The following PICALM variants were observed in gnomAD, a reference collection of about 807,000 sequenced individuals.
PICALM encodes the protein phosphatidylinositol binding clathrin assembly protein, also known as phosphatidylinositol-binding clathrin assembly protein.
PICALM carries 40 observed loss-of-function variants against 80.5 expected under a neutral mutation model. That is an observed-to-expected ratio of 0.50 (90% CI 0.39 to 0.65). PICALM has a LOEUF of 0.65. PICALM is among the 30% of genes least tolerant of loss of function. The pLI is 0.00. For missense variants in PICALM, 676 were observed against 778.9 expected, an observed-to-expected ratio of 0.87 and a Z score of 1.57; for synonymous variants, 288 against 260.3, an observed-to-expected ratio of 1.11 and a Z score of -1.02.
In PICALM at chr11:86,068,636, G is replaced by A. The variant is rs1345218381; in HGVS notation, c.130+15C>T. ...CGGGCGCCGGGGAGCGGGGGCCGCGGTCGGCTTCACTCACAGTCCAGGTGC... is the reference window on the plus strand; with the variant it reads ...CGGGCGCCGGGGAGCGGGGGCCGCGATCGGCTTCACTCACAGTCCAGGTGC... On this transcript the variant is annotated intron_variant, in intron 1 of 19. Coordinates refer to ENST00000393346, the MANE Select transcript of PICALM (RefSeq NM_007166.4). 1 of 1,598,064 alleles carries A rather than the reference G, an allele frequency of 6.3e-7. No individual in the cohort carries two copies. Among genetic ancestry groups the A allele is most frequent in the Non-Finnish European group, 8.5e-7 (1 of 1,174,152 alleles).
At chr11:86,018,154 G>A (rs1349318664) in intron 4 of PICALM, among the ~76,000 whole-genome samples, 1 of 152,160 alleles carries the variant, frequency 6.6e-6, no homozygotes, top group East Asian at 1.9e-4. Flanking sequence ...AAAAGCTTGT[G>A]AGTTCTTACC....
At chr11:86,055,327 CAAA>C (rs1203232255) in intron 1 of PICALM, among the ~76,000 whole-genome samples, 1 of 107,708 alleles carries the variant, frequency 9.3e-6, no homozygotes. Context: ...AACTCCGTCT[CAAA>C]AAAAAAAAAA....
rs1427116988 is a variant in PICALM, at chr11:85,981,750, A to G, written c.1674T>C (p.Thr558=). Reference sequence around the variant, plus strand: ...TGTGTATATTAAACACTCACTTCTTAGTGGTTCCATTTCCGATGCCAAGAT... The same window carrying G: ...TGTGTATATTAAACACTCACTTCTTGGTGGTTCCATTTCCGATGCCAAGAT... ...VGNLGIGNGT[T]KNDVNWSQPG... Residue 558 remains threonine (T), a synonymous_variant, in exon 16 of 20, where the codon ACT becomes ACC. Coordinates refer to ENST00000393346, the MANE Select transcript of PICALM (RefSeq NM_007166.4). 1.2e-6 allele frequency: 2 copies of G among 1,609,424 alleles called. No individual in the cohort carries two copies. The highest frequency in any genetic ancestry group is 3.3e-5 in the Admixed American group (2 of 60,024).
chr11:85,973,373 C>T (rs1261522206), intron 19 of PICALM, among the ~76,000 whole-genome samples: 1 of 152,060 alleles, frequency 6.6e-6, no homozygotes. Context: ...CAAAGTGAAC[C>T]GTGGTCTGAA....
chr11:85,971,894 C>G (rs890837094), intron 19 of PICALM, among the ~76,000 whole-genome samples: 2 of 152,052 alleles, frequency 1.3e-5, no homozygotes, highest in East Asian at 1.9e-4. Flanking sequence ...GCAATTCCCC[C>G]ACCTCAGCCT....
intron 11 of PICALM, 76 bp downstream of exon 11, chr11:86,000,567 T>C: frequency 8.2e-7 from 1 of 1,226,402 alleles, no homozygotes; most frequent in Non-Finnish European, 1.1e-6. Flanking sequence ...AAAGTAAACC[T>C]GAAAAGTTCT....
chr11:86,021,414 G>C (rs1433151369), intron 4 of PICALM, among the ~76,000 whole-genome samples: 1 of 150,786 alleles, frequency 6.6e-6, no homozygotes, highest in African/African-American at 2.4e-5. Context: ...CAAAAAAAAT[G>C]CTCAATATCA....
At chr11:86,043,521 C>G (rs1432762714) in intron 1 of PICALM, among the ~76,000 whole-genome samples, 1 of 152,238 alleles carries the variant, frequency 6.6e-6, no homozygotes, top group Non-Finnish European at 1.5e-5. Context: ...ATGGTCTCAA[C>G]TATAACCTAA....
chr11:85,960,657 CAAA>C (rs1196751297), intron 19 of PICALM: 3 of 1,095,862 alleles, frequency 2.7e-6, no homozygotes, highest in South Asian at 1.3e-5. Flanking sequence ...CCCCATCTCC[CAAA>C]ACAAGTAGCA....
In PICALM at chr11:86,011,419, A is replaced by G. The variant is rs924562336; in HGVS notation, c.659-283T>C. Among the ~76,000 whole-genome samples, 41 of 152,374 alleles carry G rather than the reference A, an allele frequency of 2.7e-4. 1 individual carries two copies. Among genetic ancestry groups the G allele is most frequent in the African/African-American group, 9.4e-4 (39 of 41,588 alleles). ...AGTACATATTTGTGTGTAAACACGT[A>G]CCACACTTGACCCCATTTAAAACAG... On this transcript the variant is annotated intron_variant, in intron 6 of 19. Transcript: ENST00000393346.
At chr11:86,010,685 G>C (rs2095378594) in intron 7 of PICALM, among the ~76,000 whole-genome samples, 2 of 152,088 alleles carry the variant, frequency 1.3e-5, no homozygotes, top group African/African-American at 4.8e-5. Flanking sequence ...ACTGATACTG[G>C]ATATTCTCTA....
At chr11:86,051,205 C>T (rs2096180550) in intron 1 of PICALM, among the ~76,000 whole-genome samples, 1 of 151,924 alleles carries the variant, frequency 6.6e-6, no homozygotes, top group South Asian at 2.1e-4. Flanking sequence ...AAGCCTACAA[C>T]AAAAAAAGCT....
chr11:86,013,277 A>G (rs2136311335), intron 5 of PICALM, among the ~76,000 whole-genome samples: 1 of 152,290 alleles, frequency 6.6e-6, no homozygotes, highest in South Asian at 2.1e-4. Context: ...ATCATGCCAC[A>G]GAACTCCAGC....
chr11:86,038,221 G>C (rs1268456250), intron 1 of PICALM, among the ~76,000 whole-genome samples: 1 of 152,100 alleles, frequency 6.6e-6, no homozygotes, highest in Non-Finnish European at 1.5e-5. Context: ...TTGGGAGGCT[G>C]ACACAGGAGA....
chr11:86,010,907 A>T (rs1397796424), intron 7 of PICALM, 123 bp downstream of exon 7: 1 of 642,400 alleles, frequency 1.6e-6, no homozygotes, highest in Non-Finnish European at 2.8e-6. Flanking sequence ...TCAATACAGC[A>T]TAATAATGAT....
In PICALM at chr11:85,981,194, ACTT is replaced by A; in HGVS notation, c.1711_1713del (p.Lys571del). 6.2e-7 allele frequency: 1 copy of A among 1,604,858 alleles called. No individual in the cohort carries two copies. The highest frequency in any genetic ancestry group is 8.5e-7 in the Non-Finnish European group (1 of 1,171,544). ...GGTTGCCAGTTAGATCCCCCAGTTA[ACTT>A]CTTTTCACCTGGTTGACTCCAATTT... On this transcript the variant is annotated inframe_deletion, in exon 17 of 20. Transcript: ENST00000393346.
At chr11:86,049,371 T>C (rs968744989) in intron 1 of PICALM, among the ~76,000 whole-genome samples, 1 of 152,200 alleles carries the variant, frequency 6.6e-6, no homozygotes, top group Non-Finnish European at 1.5e-5. Context: ...ACTTATTTTA[T>C]CTTTGATATT....
In PICALM at chr11:85,962,889, C is replaced by A. The variant is rs2093736856; in HGVS notation, c.1945-3829G>T. Among the ~76,000 whole-genome samples the A allele has an allele frequency of 2.0e-5, 3 of 152,174 alleles. No individual in the cohort carries two copies. In the South Asian group the frequency reaches 6.2e-4, roughly 32 times the overall value. ...TGACCATCCTACCCCTTCCTGGCAT[C>A]TATTCCAAAGCACAGACACACCATG... On this transcript the variant is annotated intron_variant, in intron 19 of 19. Coordinates refer to ENST00000393346, the MANE Select transcript of PICALM (RefSeq NM_007166.4).
At chr11:86,007,705 A>C in intron 7 of PICALM, 122 bp from the exon 8 acceptor site, 1 of 335,248 alleles carries the variant, frequency 3.0e-6, no homozygotes, top group Middle Eastern at 1.1e-3. Context: ...GAATCAGGAA[A>C]ATATTTAATC....
Sources: gnomAD v4.1 joint callset for allele counts (sites outside exome capture counted in the v4.1 genomes callset) on GRCh38, gnomAD v4.1.1 for gene constraint, MANE v1.5 for transcripts, NCBI Gene and HGNC (gene_info 2026-07-23, HGNC 2026-07-21) for gene names.